Variants in NTM observed in about 807,000 individuals in gnomAD.
NTM encodes IgLON family member 2.
Under a neutral mutation model 42.1 loss-of-function variants are expected in NTM, and 13 were observed. The observed-to-expected ratio is 0.31, with a 90% CI of 0.20 to 0.49. NTM has a LOEUF of 0.49. NTM is among the 20% of genes least tolerant of loss of function. NTM has a pLI of 0.99. For synonymous variants in NTM, 187 were observed against 179.2 expected, an observed-to-expected ratio of 1.04 and a Z score of -0.35; for missense variants, 373 against 452.8, an observed-to-expected ratio of 0.82 and a Z score of 1.60.
chr11:131,892,747 G>T (rs2051568423), intron 1 of NTM, among the ~76,000 whole-genome samples: 1 of 152,230 alleles, frequency 6.6e-6, no homozygotes, highest in African/African-American at 2.4e-5. Flanking sequence ...GGTAGCCATA[G>T]CTTTGACCTT....
At chr11:131,735,596 G>A (rs905055790) in intron 1 of NTM, among the ~76,000 whole-genome samples, 1 of 152,200 alleles carries the variant, frequency 6.6e-6, no homozygotes, top group Non-Finnish European at 1.5e-5. Flanking sequence ...CCCCGACAAA[G>A]TGTTTTTGAG....
At chr11:132,324,687 A>G (rs2095642561) in intron 7 of NTM, among the ~76,000 whole-genome samples, 2 of 129,190 alleles carry the variant, frequency 1.5e-5, no homozygotes, top group South Asian at 4.7e-4. Flanking sequence ...TTCATACGGA[A>G]CCAAAAAAGA....
At chr11:131,917,619 CTGTT>C (rs1239145061) in intron 2 of NTM, among the ~76,000 whole-genome samples, 2 of 152,196 alleles carry the variant, frequency 1.3e-5, no homozygotes, top group Non-Finnish European at 2.9e-5. Flanking sequence ...TCCTTTCTCT[CTGTT>C]TGTGGAGTCT....
At chr11:132,204,935 C>T (rs1403468466) in intron 3 of NTM, among the ~76,000 whole-genome samples, 1 of 152,160 alleles carries the variant, frequency 6.6e-6, no homozygotes, top group Non-Finnish European at 1.5e-5. Context: ...TGCATCTTTC[C>T]AAGCTTTCCA....
intron 2 of NTM, among the ~76,000 whole-genome samples, chr11:132,143,594 A>T (rs1288889005): frequency 6.6e-6 from 1 of 152,220 alleles, no homozygotes; most frequent in Admixed American, 6.5e-5. Context: ...GTGAGATGAT[A>T]AAATAGTACA....
intron 1 of NTM, chr11:131,795,143 C>A: frequency 2.4e-6 from 1 of 425,284 alleles, no homozygotes; most frequent in Non-Finnish European, 3.1e-6. Context: ...AAGTATGCAT[C>A]TCAATCGCTG....
chr11:131,468,291 A>C (rs935295783), intron 1 of NTM, among the ~76,000 whole-genome samples: 1 of 152,398 alleles, frequency 6.6e-6, no homozygotes, highest in Non-Finnish European at 1.5e-5. Flanking sequence ...TGACATCCTC[A>C]GGACGTGATT....
At chr11:131,639,633 G>A (rs1338928013) in intron 1 of NTM, among the ~76,000 whole-genome samples, 1 of 152,146 alleles carries the variant, frequency 6.6e-6, no homozygotes, top group Non-Finnish European at 1.5e-5. Flanking sequence ...CTCGGGCCCT[G>A]TCTTGGGAGA....
intron 1 of NTM, among the ~76,000 whole-genome samples, chr11:131,725,734 G>C (rs1383598490): frequency 6.6e-6 from 1 of 152,188 alleles, no homozygotes; most frequent in Non-Finnish European, 1.5e-5. Flanking sequence ...TCTTCGTTAG[G>C]AGTGAGATGG....
chr11:132,035,445 A>G (rs2076394748), intron 2 of NTM, among the ~76,000 whole-genome samples: 1 of 152,222 alleles, frequency 6.6e-6, no homozygotes. Flanking sequence ...TATTTGCTGA[A>G]TGATCCACCA....
At chr11:131,655,036 G>A (rs929398354) in intron 1 of NTM, among the ~76,000 whole-genome samples, 8 of 151,726 alleles carry the variant, frequency 5.3e-5, no homozygotes, top group Admixed American at 1.3e-4. Context: ...TACCAACCCC[G>A]CCCCCGCCAC....
intron 1 of NTM, among the ~76,000 whole-genome samples, chr11:131,701,451 G>T (rs569138452): frequency 6.6e-6 from 1 of 152,256 alleles, no homozygotes; most frequent in East Asian, 1.9e-4. Context: ...TGCCCTAGAA[G>T]CAACTGGGCA....
chr11:131,732,703 G>GATA (rs1258010278), intron 1 of NTM, among the ~76,000 whole-genome samples: 1 of 152,200 alleles, frequency 6.6e-6, no homozygotes, highest in Non-Finnish European at 1.5e-5. Flanking sequence ...CCGGGCTTGA[G>GATA]ATAATGGGTT....
intron 1 of NTM, among the ~76,000 whole-genome samples, chr11:131,524,365 G>A (rs1359516568): frequency 6.6e-6 from 1 of 152,174 alleles, no homozygotes; most frequent in African/African-American, 2.4e-5. Flanking sequence ...TGGGCCTGGT[G>A]CTGACATGTG....
chr11:132,075,902 T>C (rs1338971742), intron 2 of NTM, among the ~76,000 whole-genome samples: 1 of 152,210 alleles, frequency 6.6e-6, no homozygotes, highest in Non-Finnish European at 1.5e-5. Context: ...ATTCTTCTTA[T>C]GCAATAGGTA....
chr11:131,918,550 T>A (rs2056763724), intron 2 of NTM, among the ~76,000 whole-genome samples: 1 of 152,156 alleles, frequency 6.6e-6, no homozygotes, highest in African/African-American at 2.4e-5. Flanking sequence ...GTGAAGGTAT[T>A]TTCCCAGCTC....
intron 1 of NTM, among the ~76,000 whole-genome samples, chr11:131,504,643 C>T (rs1053297980): frequency 3.9e-5 from 6 of 152,058 alleles, no homozygotes; most frequent in African/African-American, 1.4e-4. Context: ...TTGTCTACCT[C>T]GACCTGCACT....
intron 2 of NTM, among the ~76,000 whole-genome samples, chr11:131,914,369 T>A (rs969712329): frequency 9.2e-5 from 14 of 152,120 alleles, no homozygotes; most frequent in African/African-American, 3.4e-4. Flanking sequence ...GAACCACAAC[T>A]AGGGGAGACC....
At chr11:131,492,780 A>T (rs2136304808) in intron 1 of NTM, among the ~76,000 whole-genome samples, 1 of 152,324 alleles carries the variant, frequency 6.6e-6, no homozygotes, top group African/African-American at 2.4e-5. Flanking sequence ...GTGAACGTTA[A>T]TTTGCAGGGA....
Sources: allele counts gnomAD v4.1 joint callset (sites outside exome capture counted in the v4.1 genomes callset), GRCh38; gene constraint gnomAD v4.1.1; transcripts MANE v1.5; gene names NCBI Gene and HGNC (gene_info 2026-07-23, HGNC 2026-07-21).